OR1I1: variants seen among roughly 807,000 people sequenced by gnomAD.
The protein encoded by OR1I1 is olfactory receptor 1I1.
For missense variants in OR1I1, 451 were observed against 443.6 expected, an observed-to-expected ratio of 1.02 and a Z score of -0.15; for synonymous variants, 171 against 181.4, an observed-to-expected ratio of 0.94 and a Z score of 0.46.
chr19:15,086,846 C>A, intron 1 of OR1I1: 1 of 681,142 alleles, frequency 1.5e-6, no homozygotes, highest in Non-Finnish European at 2.3e-6. Flanking sequence ...ATCCTTGAGA[C>A]CCTGACTGTC....
At position 15,085,170 on chromosome 19, in the gene OR1I1, A is replaced by AT. The variant is rs1568321906; in HGVS notation, c.-13-1882dup. Among the ~76,000 whole-genome samples, 50 of 19,332 alleles carry AT rather than the reference A, an allele frequency of 2.6e-3. 5 individuals carry two copies. Among genetic ancestry groups the AT allele is most frequent in the Non-Finnish European group, 3.9e-3 (26 of 6,684 alleles). 12.7% of individuals were successfully genotyped at this position (19,332 alleles called of 152,430 possible). On this transcript the variant is annotated intron_variant, in intron 1 of 1. Transcript: ENST00000641398. ...TATATATATATATATATATATATAT[A>AT]TATATATTTTTTTTTTTGAGACAGA...
rs2046242438 is a variant in OR1I1 at position 15,088,726 on chromosome 19, AGAG to A, written c.*594_*596del. 1 of 149,208 alleles carries A rather than the reference AGAG, an allele frequency of 6.7e-6. No homozygotes were observed. 9.2% of individuals were successfully genotyped at this position (149,208 alleles called of 1,614,324 possible). A position where few individuals can be genotyped will look rare whatever the true frequency, so the allele number is the denominator to read the frequency against. On this transcript the variant is annotated 3_prime_UTR_variant, in exon 2 of 2. Coordinates refer to ENST00000641398, the MANE Select transcript of OR1I1 (RefSeq NM_001004713.2). ...TAGATAGATAGACAGACAGATAGAT[AGAG>A]AGGATAAGATAAGATAGGTAGATAG...
At chr19:15,086,932 A>G in intron 1 of OR1I1, 121 bp from the exon 2 acceptor site, 16 of 1,418,848 alleles carry the variant, frequency 1.1e-5, no homozygotes, top group Non-Finnish European at 1.4e-5. Context: ...AACACAAAGG[A>G]ATTTGATGGA....
chr19:15,082,697 A>G (rs569138318), intron 1 of OR1I1, among the ~76,000 whole-genome samples: 7 of 142,250 alleles, frequency 4.9e-5, no homozygotes, highest in African/African-American at 1.9e-4. Context: ...TCTGGAAACT[A>G]TCTAGAAGTG....
chr19:15,092,325 T>A lies in OR1I1; in HGVS notation c.*4192T>A, dbSNP rs2046260872. Reference sequence around the variant, plus strand: ...GGAAGCTGGGTTTGCAGGGGGCCCGTGGAGGGCACTGGGAGTAACACGGTG... The same window carrying A: ...GGAAGCTGGGTTTGCAGGGGGCCCGAGGAGGGCACTGGGAGTAACACGGTG... On this transcript the variant is annotated 3_prime_UTR_variant, in exon 2 of 2. Coordinates refer to ENST00000641398, the MANE Select transcript of OR1I1 (RefSeq NM_001004713.2). 6.6e-6 allele frequency: 1 copy of A among 152,042 alleles called. No homozygotes were observed. Among genetic ancestry groups the A allele is most frequent in the African/African-American group, 2.4e-5 (1 of 41,296 alleles). 9.4% of individuals were successfully genotyped at this position (152,042 alleles called of 1,614,324 possible).
chr19:15,084,297 C>T (rs749837688), intron 1 of OR1I1, among the ~76,000 whole-genome samples: 7 of 152,132 alleles, frequency 4.6e-5, no homozygotes, highest in Admixed American at 1.3e-4. Flanking sequence ...CAGTGGCTCA[C>T]GCCTGTAATC....
intron 1 of OR1I1, among the ~76,000 whole-genome samples, chr19:15,085,904 T>A (rs2046228447): frequency 6.6e-6 from 1 of 152,214 alleles, no homozygotes; most frequent in African/African-American, 2.4e-5. Flanking sequence ...TTCCATTGTA[T>A]ATTCCTACCA....
rs2046261577 is a variant in OR1I1 at position 15,092,552 on chromosome 19, C to A, written c.*4419C>A. ...ATGACTGAACTCTGCTGCTGTCTGG[C>A]GAAAGCAGCCATAGATGAGACATCA... On this transcript the variant is annotated 3_prime_UTR_variant, in exon 2 of 2. Transcript: ENST00000641398. 1 of 152,084 alleles carries A rather than the reference C, an allele frequency of 6.6e-6. No homozygotes were observed. Among genetic ancestry groups the A allele is most frequent in the Non-Finnish European group, 1.5e-5 (1 of 68,032 alleles). The allele number at this position is 152,084 out of a possible 1,614,324, so 9.4% of individuals were successfully genotyped here. A position where few individuals can be genotyped will look rare whatever the true frequency, so the allele number is the denominator to read the frequency against.
At position 15,088,169 on chromosome 19, in the gene OR1I1, G is replaced by A; in HGVS notation, c.*36G>A. On this transcript the variant is annotated 3_prime_UTR_variant, in exon 2 of 2. Coordinates refer to ENST00000641398, the MANE Select transcript of OR1I1 (RefSeq NM_001004713.2). ...TACAACGTGATAAATGTGTCATAAA[G>A]AGATGAACAAAGTGTATGAGCACCC... 1 of 1,509,792 alleles carries A rather than the reference G, an allele frequency of 6.6e-7. No homozygotes were observed. The highest frequency in any genetic ancestry group is 8.9e-7 in the Non-Finnish European group (1 of 1,125,006). The allele number at this position is 1,509,792 out of a possible 1,614,324, so 93.5% of individuals were successfully genotyped here. A position where few individuals can be genotyped will look rare whatever the true frequency, so the allele number is the denominator to read the frequency against.
intron 1 of OR1I1, among the ~76,000 whole-genome samples, chr19:15,085,358 C>T (rs28693429): frequency 0.071 from 10,719 of 150,980 alleles, 552 homozygotes; most frequent in African/African-American, 0.13. Flanking sequence ...TCAGTAGAGA[C>T]GGGGCTTCAC....
Position 15,088,445 on chromosome 19 carries a change from G to A in OR1I1, c.*312G>A, listed in dbSNP as rs1481360984. On this transcript the variant is annotated 3_prime_UTR_variant, in exon 2 of 2. Coordinates refer to ENST00000641398, the MANE Select transcript of OR1I1 (RefSeq NM_001004713.2). ...GTGGAAGGATCACTTGAGGCCAGGAGTTTGAGACCAGCCTGGGCAACATAC... is the reference window on the plus strand; with the variant it reads ...GTGGAAGGATCACTTGAGGCCAGGAATTTGAGACCAGCCTGGGCAACATAC... 3 of 305,368 alleles carry A rather than the reference G, an allele frequency of 9.8e-6. No homozygotes were observed. The highest frequency in any genetic ancestry group is 1.9e-5 in the Non-Finnish European group (3 of 161,958). 18.9% of individuals were successfully genotyped at this position (305,368 alleles called of 1,614,324 possible).
In OR1I1 at chr19:15,089,118, T is replaced by G. The variant is rs2145306280; in HGVS notation, c.*985T>G. 7.4e-6 allele frequency: 1 copy of G among 135,022 alleles called. No homozygotes were observed. The highest frequency in any genetic ancestry group is 2.8e-4 in the South Asian group (1 of 3,564). 8.4% of individuals were successfully genotyped at this position (135,022 alleles called of 1,614,324 possible). On this transcript the variant is annotated 3_prime_UTR_variant, in exon 2 of 2. Transcript: ENST00000641398. ...TAGATAGGTAGATACAGACAGCCCA[T>G]GTATTAGCCAGTGTTTCCTAAGTGT...
At chr19:15,085,178 T>TA (rs2046225775) in intron 1 of OR1I1, among the ~76,000 whole-genome samples, 20 of 89,212 alleles carry the variant, frequency 2.2e-4, no homozygotes, top group East Asian at 3.8e-4. Flanking sequence ...ATATATATAT[T>TA]TTTTTTTTTG....
intron 1 of OR1I1, among the ~76,000 whole-genome samples, chr19:15,083,190 C>G (rs1186289040): frequency 2.6e-5 from 4 of 152,004 alleles, no homozygotes; most frequent in Non-Finnish European, 5.9e-5. Context: ...ATTCTCCCAC[C>G]TCAGCCTTCT....
intron 1 of OR1I1, 164 bp from the exon 2 acceptor site, chr19:15,086,889 A>G (rs1032611559): frequency 9.0e-7 from 1 of 1,116,682 alleles, no homozygotes; most frequent in South Asian, 1.8e-5. Flanking sequence ...GAGGAGCAAC[A>G]GAAGCCCACT....
Position 15,087,685 on chromosome 19 carries a change from G to A in OR1I1, c.620G>A (p.Gly207Asp). The A allele has an allele frequency of 6.2e-7, 1 of 1,614,136 alleles. No homozygotes were observed. Among genetic ancestry groups the A allele is most frequent in the Non-Finnish European group, 8.5e-7 (1 of 1,180,016 alleles). ...LVIFAFGIVV[G>D]TSPFSCILLS... ...ATCTTTGCTTTTGGCATTGTCGTGG[G>A]CACCAGCCCATTCTCCTGCATCCTT... Residue 207 changes from glycine to aspartate, a missense_variant, in exon 2 of 2, where the codon GGC (glycine) becomes GAC (aspartate). Coordinates refer to ENST00000641398, the MANE Select transcript of OR1I1 (RefSeq NM_001004713.2).
intron 1 of OR1I1, 47 bp from the exon 2 acceptor site, chr19:15,087,006 C>G: frequency 6.5e-7 from 1 of 1,539,484 alleles, no homozygotes; most frequent in Non-Finnish European, 8.7e-7. Flanking sequence ...AATGGCATCT[C>G]TGACACCTGG....
chr19:15,089,623 GGACCAGCCT>G lies in OR1I1; in HGVS notation c.*1493_*1501del, dbSNP rs1408341104. The G allele has an allele frequency of 4.6e-5, 7 of 152,150 alleles. No individual in the cohort carries two copies. The highest frequency in any genetic ancestry group is 1.7e-4 in the African/African-American group (7 of 41,510). 9.4% of individuals were successfully genotyped at this position (152,150 alleles called of 1,614,324 possible). On this transcript the variant is annotated 3_prime_UTR_variant, in exon 2 of 2. Transcript: ENST00000641398. ...AGAATCATTTGAAGCTAGGAGTTCA[GGACCAGCCT>G]GAACAACATAGTGAGATCTCATCCC...
chr19:15,085,979 T>C (rs2046228621), intron 1 of OR1I1, among the ~76,000 whole-genome samples: 1 of 151,886 alleles, frequency 6.6e-6, no homozygotes, highest in Non-Finnish European at 1.5e-5. Context: ...ATATTGTTGG[T>C]GGAAGGATGA....
Sources: gnomAD v4.1 joint callset for allele counts (sites outside exome capture counted in the v4.1 genomes callset) on GRCh38, gnomAD v4.1.1 for gene constraint, MANE v1.5 for transcripts, NCBI Gene and HGNC (gene_info 2026-07-23, HGNC 2026-07-21) for gene names.